SELENOO: variants seen among roughly 807,000 people sequenced by gnomAD.
SELENOO encodes the protein selenoprotein O.
Under a neutral mutation model 58.7 loss-of-function variants are expected in SELENOO, and 74 were observed. The observed-to-expected ratio is 1.26, with a 90% CI of 1.04 to 1.53. SELENOO has a LOEUF of 1.53. Ranked by LOEUF, SELENOO falls within the 40% of genes most tolerant of loss-of-function variation. The pLI is 0.00. For synonymous variants in SELENOO, 543 were observed against 453.2 expected, an observed-to-expected ratio of 1.20 and a Z score of -2.52; for missense variants, 1,149 against 970.0, an observed-to-expected ratio of 1.18 and a Z score of -2.45.
chr22:50,214,603 C>G (rs1418251367), intron 5 of SELENOO, among the ~76,000 whole-genome samples: 1 of 151,016 alleles, frequency 6.6e-6, no homozygotes, highest in African/African-American at 2.4e-5. Flanking sequence ...GACTCCATCT[C>G]AAAAAACAAA....
Position 50,217,267 on chromosome 22 carries a change from C to G in SELENOO, c.1908C>G (p.Asp636Glu), listed in dbSNP as rs761960038. 1 of 1,612,002 alleles carries G rather than the reference C, an allele frequency of 6.2e-7. No homozygotes were observed. The highest frequency in any genetic ancestry group is 1.3e-5 in the African/African-American group (1 of 74,898). The change falls in exon 9 of 9, where the codon GAC (aspartate) becomes GAG (glutamate). Residue 636 changes from aspartate to glutamate, a missense_variant. Physicochemically the swap from Asp to Glu is conservative, Grantham distance 45. Coordinates refer to ENST00000380903, the MANE Select transcript of SELENOO (RefSeq NM_031454.2). Reference protein sequence around the residue: ...PYHCEAGAATDAEATEADGAD... With the variant: ...PYHCEAGAATEAEATEADGAD... ...ACTGCGAGGCGGGGGCCGCCACAGA[C>G]GCCGAGGCCACGGAAGCCGACGGGG...
chr22:50,206,057 C>T (rs1019006807), intron 1 of SELENOO: 5 of 554,898 alleles, frequency 9.0e-6, no homozygotes, highest in African/African-American at 7.6e-5. Context: ...TCGTTCTGGG[C>T]AGGAAGACGG....
intron 2 of SELENOO, among the ~76,000 whole-genome samples, chr22:50,207,185 T>G (rs2064338579): frequency 1.3e-5 from 2 of 152,008 alleles, no homozygotes; most frequent in Admixed American, 1.3e-4. Flanking sequence ...TGCAGTGGCG[T>G]GATCTTGGCT....
chr22:50,206,529 G>A lies in SELENOO; in HGVS notation c.758+9G>A, dbSNP rs756651232. On this transcript the variant is annotated intron_variant, in intron 2 of 8. Coordinates refer to ENST00000380903, the MANE Select transcript of SELENOO (RefSeq NM_031454.2). ...GCTTCCACTTTCATAAGGTAATGCC[G>A]GGGGCCTTTCGGCCTGTCTACACGC... The A allele has an allele frequency of 4.5e-5, 72 of 1,608,600 alleles. No individual in the cohort carries two copies. Among genetic ancestry groups the A allele is most frequent in the Admixed American group, 2.2e-4 (13 of 59,372 alleles).
chr22:50,217,426 G>A lies in SELENOO; in HGVS notation c.*57G>A. 2 of 1,587,214 alleles carry A rather than the reference G, an allele frequency of 1.3e-6. No homozygotes were observed. The highest frequency in any genetic ancestry group is 1.7e-6 in the Non-Finnish European group (2 of 1,168,520). ...TCCCGAGGCCCCCATGTGCTGCTGAGTGGCCAAGATGATGCCAGGCTGCCC... is the reference window on the plus strand; with the variant it reads ...TCCCGAGGCCCCCATGTGCTGCTGAATGGCCAAGATGATGCCAGGCTGCCC... On this transcript the variant is annotated 3_prime_UTR_variant, in exon 9 of 9. Transcript: ENST00000380903.
In SELENOO at chr22:50,201,481, G is replaced by T. The variant is rs1396497786; in HGVS notation, c.445G>T (p.Ala149Ser). The change falls in exon 1 of 9, where the codon GCC becomes TCC. Residue 149 changes from alanine (A) to serine (S), a missense_variant. By Grantham distance (99) the Ala-to-Ser change is moderately conservative. Coordinates refer to ENST00000380903, the MANE Select transcript of SELENOO (RefSeq NM_031454.2). The part of the protein sequence containing the change: ...CYCGHQFGQF[A>S]GQLGDGAAMY... Reference sequence around the variant, plus strand: ...CTGCGGCCACCAATTCGGCCAGTTCGCCGGGCAGCTGGGCGACGGCGCCGC... The same window carrying T: ...CTGCGGCCACCAATTCGGCCAGTTCTCCGGGCAGCTGGGCGACGGCGCCGC... 2 of 1,424,126 alleles carry T rather than the reference G, an allele frequency of 1.4e-6. No homozygotes were observed. Among genetic ancestry groups the T allele is most frequent in the African/African-American group, 1.5e-5 (1 of 67,174 alleles). The allele number at this position is 1,424,126 out of a possible 1,614,324, so 88.2% of individuals were successfully genotyped here.
At chr22:50,215,608 G>A (rs924380565) in intron 5 of SELENOO, 109 bp from the exon 6 acceptor site, 2 of 956,778 alleles carry the variant, frequency 2.1e-6, no homozygotes, top group Admixed American at 2.4e-5. Context: ...ATGTGGGTGG[G>A]TCCATGCAGC....
Position 50,217,606 on chromosome 22 carries a change from A to C in SELENOO, c.*237A>C, listed in dbSNP as rs528804463. 4.9e-6 allele frequency: 5 copies of C among 1,024,350 alleles called. No individual in the cohort carries two copies. Among genetic ancestry groups the C allele is most frequent in the Admixed American group, 5.6e-5 (2 of 35,720 alleles). 63.5% of individuals were successfully genotyped at this position (1,024,350 alleles called of 1,614,324 possible). A position where few individuals can be genotyped will look rare whatever the true frequency, so the allele number is the denominator to read the frequency against. Reference sequence around the variant, plus strand: ...GACCCAGGCTCCTAAATAAACCAGCAACTCCCTCGAGTCTGTCTCTGTGGT... The same window carrying C: ...GACCCAGGCTCCTAAATAAACCAGCCACTCCCTCGAGTCTGTCTCTGTGGT... On this transcript the variant is annotated 3_prime_UTR_variant, in exon 9 of 9. Coordinates refer to ENST00000380903, the MANE Select transcript of SELENOO (RefSeq NM_031454.2).
At chr22:50,213,809 G>A (rs554815179) in intron 5 of SELENOO, among the ~76,000 whole-genome samples, 20 of 54,244 alleles carry the variant, frequency 3.7e-4, no homozygotes, top group African/African-American at 3.0e-3. Flanking sequence ...CACCACGCCC[G>A]GGTAATTTTT....
chr22:50,205,311 G>A (rs962454848), intron 1 of SELENOO, among the ~76,000 whole-genome samples: 6 of 152,236 alleles, frequency 3.9e-5, no homozygotes, highest in Admixed American at 3.3e-4. Context: ...TGGGCCGGGC[G>A]CAGTGGCTCA....
intron 2 of SELENOO, 74 bp from the exon 3 acceptor site, chr22:50,208,462 C>G (rs1290979602): frequency 2.7e-5 from 37 of 1,362,628 alleles, no homozygotes; most frequent in Non-Finnish European, 3.3e-5. Context: ...ACAACAACGT[C>G]TTTTCCTTTT....
rs144100029 is a variant in SELENOO, at chr22:50,217,307, C to T, written c.1948C>T (p.Arg650Cys). ...AGCCGACGGGGCGGACGGCAGGCAG[C>T]GCTCCTACAGCAGTAAGCCCCCGCT... ...TEADGADGRQ[R>C]SYSSKPPLWA... The change falls in exon 9 of 9, where the codon CGC (arginine) becomes TGC (cysteine). Residue 650 changes from arginine (R) to cysteine (C), a missense_variant. By Grantham distance (180) the Arg-to-Cys change is radical. Transcript: ENST00000380903. 1.1e-5 allele frequency: 17 copies of T among 1,612,742 alleles called. No homozygotes were observed. The highest frequency in any genetic ancestry group is 4.0e-5 in the African/African-American group (3 of 75,016).
In SELENOO at chr22:50,216,874, C is replaced by G; in HGVS notation, c.1686C>G (p.Tyr562Ter). 6.2e-7 allele frequency: 1 copy of G among 1,606,892 alleles called. No homozygotes were observed. Residue 562 changes from tyrosine (Y) to a stop codon, truncating the protein, a stop_gained and splice_region_variant, in exon 7 of 9, where the codon TAC becomes TAG. Transcript: ENST00000380903. LOFTEE classifies it high-confidence loss of function. ...ACTGGGCTGACTGGCTACAGGCGTACAGGTGAGCCCTGCGTCCATGGTCAC... is the reference window on the plus strand; with the variant it reads ...ACTGGGCTGACTGGCTACAGGCGTAGAGGTGAGCCCTGCGTCCATGGTCAC... ...QGHWADWLQA[Y>*]RARLDKDLEG...
At chr22:50,205,935 A>T in intron 1 of SELENOO, 1 of 253,816 alleles carries the variant, frequency 3.9e-6, no homozygotes, top group East Asian at 1.2e-4. Context: ...GCTGGCCCGT[A>T]CCGGGGCACC....
At position 50,215,867 on chromosome 22, in the gene SELENOO, G is replaced by A. The variant is rs777867754; in HGVS notation, c.1502G>A (p.Arg501Gln). ...RLAFRPQMDP[R>Q]QLSMMLMLAQ... ...GCCTTCCGGCCCCAGATGGATCCCC[G>A]GTGGGTACTCAGTTCCTACTTCTTT... The change falls in exon 6 of 9, where the codon CGG (arginine) becomes CAG (glutamine). Residue 501 changes from arginine to glutamine, a missense_variant and splice_region_variant. By Grantham distance (43) the Arg-to-Gln change is conservative. Coordinates refer to ENST00000380903, the MANE Select transcript of SELENOO (RefSeq NM_031454.2). 108 of 1,603,834 alleles carry A rather than the reference G, an allele frequency of 6.7e-5. No individual in the cohort carries two copies. The South Asian group carries it at 7.9e-4, about 12-fold the overall frequency.
In SELENOO at chr22:50,217,555, CA is replaced by C; in HGVS notation, c.*187del. On this transcript the variant is annotated 3_prime_UTR_variant, in exon 9 of 9. Transcript: ENST00000380903. ...CCGTCTCTGTCTGAGGCCGGCTCAG[CA>C]GTGCAGCCTGGTCCCTGGGGGCTGG... 4 of 959,540 alleles carry C rather than the reference CA, an allele frequency of 4.2e-6. No homozygotes were observed. The highest frequency in any genetic ancestry group is 6.1e-6 in the Non-Finnish European group (4 of 653,870). The allele number at this position is 959,540 out of a possible 1,614,324, so 59.4% of individuals were successfully genotyped here.
Position 50,201,137 on chromosome 22 carries a change from CG to C in SELENOO, c.104del (p.Gly35AlafsTer213). The C allele has an allele frequency of 1.5e-6, 2 of 1,306,696 alleles. No homozygotes were observed. The highest frequency in any genetic ancestry group is 1.9e-6 in the Non-Finnish European group (2 of 1,030,400). The allele number at this position is 1,306,696 out of a possible 1,614,324, so 80.9% of individuals were successfully genotyped here. On this transcript the variant is annotated frameshift_variant, in exon 1 of 9. Coordinates refer to ENST00000380903, the MANE Select transcript of SELENOO (RefSeq NM_031454.2). LOFTEE classifies it high-confidence loss of function. ...TCGCCGGCGCCCCGCTCTACGTTGT[CG>C]GGCGCCGCCATGGAGCCCGCGCCTC... ...SPSPAPRSTL[S>X]GAAMEPAPRW...
rs1394759519 is a variant in SELENOO at position 50,201,419 on chromosome 22, C to T, written c.383C>T (p.Ala128Val). ...AEAALFFSGNALLPGAEPAAH... is the reference protein window; with the variant it reads ...AEAALFFSGNVLLPGAEPAAH... ...GCCGCGCTGTTCTTCAGCGGCAACGCGCTCCTGCCGGGCGCCGAGCCCGCC... is the reference window on the plus strand; with the variant it reads ...GCCGCGCTGTTCTTCAGCGGCAACGTGCTCCTGCCGGGCGCCGAGCCCGCC... The change falls in exon 1 of 9, where the codon GCG (alanine) becomes GTG (valine). Residue 128 changes from alanine to valine, a missense_variant. Physicochemically the swap from Ala to Val is moderately conservative, Grantham distance 64. Transcript: ENST00000380903. The T allele has an allele frequency of 3.0e-6, 4 of 1,353,980 alleles. No individual in the cohort carries two copies. The highest frequency in any genetic ancestry group is 2.9e-6 in the Non-Finnish European group (3 of 1,048,072). The allele number at this position is 1,353,980 out of a possible 1,614,324, so 83.9% of individuals were successfully genotyped here.
At chr22:50,211,500 C>G (rs1480813585) in intron 5 of SELENOO, among the ~76,000 whole-genome samples, 4 of 152,200 alleles carry the variant, frequency 2.6e-5, no homozygotes, top group African/African-American at 9.7e-5. Context: ...TTCAGTGTTT[C>G]ACCCATTGAG....
Sources: gnomAD v4.1 joint callset for allele counts (sites outside exome capture counted in the v4.1 genomes callset) on GRCh38, gnomAD v4.1.1 for gene constraint, MANE v1.5 for transcripts, NCBI Gene and HGNC (gene_info 2026-07-23, HGNC 2026-07-21) for gene names.